WWTR1: variants seen among roughly 807,000 people sequenced by gnomAD.
WWTR1 encodes the protein WW domain-containing transcription regulator protein 1.
Under a neutral mutation model 40.1 loss-of-function variants are expected in WWTR1, and 13 were observed. The observed-to-expected ratio is 0.32, with a 90% CI of 0.21 to 0.52. WWTR1 has a LOEUF of 0.52. Among genes scored for constraint, WWTR1 ranks in the 20% least tolerant of loss-of-function variants. WWTR1 has a pLI of 0.97. For synonymous variants in WWTR1, 230 were observed against 210.1 expected, an observed-to-expected ratio of 1.09 and a Z score of -0.82; for missense variants, 436 against 523.1, an observed-to-expected ratio of 0.83 and a Z score of 1.63.
chr3:149,613,835 T>C (rs1357825968), intron 2 of WWTR1, among the ~76,000 whole-genome samples: 3 of 152,102 alleles, frequency 2.0e-5, no homozygotes, highest in East Asian at 1.9e-4. Flanking sequence ...TGTGAGCCAC[T>C]ACACCCAGCT....
chr3:149,699,626 C>A (rs1422939312), intron 1 of WWTR1, among the ~76,000 whole-genome samples: 2 of 152,092 alleles, frequency 1.3e-5, no homozygotes, highest in Non-Finnish European at 2.9e-5. Flanking sequence ...TCCCACAGAC[C>A]CCTAGGGCAT....
At chr3:149,709,032 G>A (rs990475797) in intron 5 of WWTR1, among the ~76,000 whole-genome samples, 2 of 151,494 alleles carry the variant, frequency 1.3e-5, no homozygotes, top group African/African-American at 2.4e-5. Flanking sequence ...CTTGAGACAC[G>A]GTCTCGCTCT....
chr3:149,677,871 C>T (rs1006427679), intron 1 of WWTR1, among the ~76,000 whole-genome samples: 10 of 152,240 alleles, frequency 6.6e-5, no homozygotes, highest in Non-Finnish European at 1.5e-4. Context: ...TGAAGCAATT[C>T]TCCTGCCTCA....
chr3:149,660,179 A>G (rs370085988), upstream of WWTR1: 93 of 152,328 alleles, frequency 6.1e-4, no homozygotes, highest in African/African-American at 2.2e-3. Flanking sequence ...TTGCAACAAC[A>G]GGGGAAATAA....
intron 5 of WWTR1, among the ~76,000 whole-genome samples, chr3:149,527,154 TTTC>T (rs1181127231): frequency 8.1e-5 from 2 of 24,782 alleles, no homozygotes; most frequent in Non-Finnish European, 3.0e-4. Context: ...TTTTCTTTTC[TTTC>T]TTTTTTTTTT....
At chr3:149,572,047 C>T (rs1737656500) in intron 3 of WWTR1, among the ~76,000 whole-genome samples, 1 of 152,048 alleles carries the variant, frequency 6.6e-6, no homozygotes, top group African/African-American at 2.4e-5. Context: ...AAAAAGTGAG[C>T]CATATTATCC....
chr3:149,654,141 G>T (rs908089941), intron 2 of WWTR1, among the ~76,000 whole-genome samples: 2 of 144,404 alleles, frequency 1.4e-5, no homozygotes, highest in African/African-American at 2.5e-5. Context: ...AAAAAAAAAT[G>T]TATCTGCTAG....
At chr3:149,561,151 C>A (rs1484615143) in intron 3 of WWTR1, among the ~76,000 whole-genome samples, 1 of 152,094 alleles carries the variant, frequency 6.6e-6, no homozygotes, top group East Asian at 1.9e-4. Context: ...TGTATTGAAA[C>A]ATCATTTATA....
chr3:149,532,007 T>A (rs1490062999), intron 4 of WWTR1, among the ~76,000 whole-genome samples: 1 of 152,224 alleles, frequency 6.6e-6, no homozygotes, highest in African/African-American at 2.4e-5. Context: ...CACTCTTTCC[T>A]GCTCCTCACA....
intron 3 of WWTR1, among the ~76,000 whole-genome samples, chr3:149,558,002 C>CAA (rs10554239): frequency 1.1e-4 from 9 of 82,958 alleles, no homozygotes; most frequent in South Asian, 3.8e-4. Flanking sequence ...GGCTCCATCT[C>CAA]AAAAAAAAAA....
At chr3:149,636,966 G>GAAAAAAAAAAAAAAAAA (rs397950107) in intron 2 of WWTR1, among the ~76,000 whole-genome samples, 2 of 43,306 alleles carry the variant, frequency 4.6e-5, no homozygotes, top group African/African-American at 9.7e-5. Context: ...TGTCTCAAGT[G>GAAAAAAAAAAAAAAAAA]AAAAAAAAAA....
At chr3:149,662,148 T>C (rs1226217858), upstream of WWTR1, among the ~76,000 whole-genome samples, 1 of 152,016 alleles carries the variant, frequency 6.6e-6, no homozygotes, top group South Asian at 2.1e-4. Flanking sequence ...AGAAAGTATT[T>C]TGTCCAAATA....
chr3:149,714,915 G>A (rs926086631), intron 5 of WWTR1, among the ~76,000 whole-genome samples: 13 of 152,118 alleles, frequency 8.5e-5, no homozygotes, highest in African/African-American at 3.1e-4. Flanking sequence ...AGGACAGGGA[G>A]ACAAGGTGAT....
At chr3:149,574,041 G>GT (rs1156356964) in intron 2 of WWTR1, among the ~76,000 whole-genome samples, 1 of 150,938 alleles carries the variant, frequency 6.6e-6, no homozygotes, top group Non-Finnish European at 1.5e-5. Context: ...CTTCTTTTTT[G>GT]TTTTTTCGAG....
chr3:149,651,009 G>C (rs1275368622), intron 2 of WWTR1, among the ~76,000 whole-genome samples: 1 of 152,152 alleles, frequency 6.6e-6, no homozygotes, highest in Non-Finnish European at 1.5e-5. Context: ...GAGAAAGCAA[G>C]AACTAACTTG....
chr3:149,561,166 T>C (rs535920414), intron 3 of WWTR1, among the ~76,000 whole-genome samples: 20 of 152,316 alleles, frequency 1.3e-4, no homozygotes, highest in African/African-American at 4.1e-4. Context: ...TTTATAATGA[T>C]AAAAAATAGA....
At chr3:149,571,925 G>A (rs1057294707) in intron 3 of WWTR1, among the ~76,000 whole-genome samples, 1 of 152,182 alleles carries the variant, frequency 6.6e-6, no homozygotes, top group South Asian at 2.1e-4. Flanking sequence ...GACTGGTTCC[G>A]TTGCTGCAGT....
intron 2 of WWTR1, among the ~76,000 whole-genome samples, chr3:149,593,623 G>C (rs1182254230): frequency 6.6e-6 from 1 of 152,092 alleles, no homozygotes; most frequent in Admixed American, 6.5e-5. Context: ...TAACACATGC[G>C]TGGACTTAAA....
At chr3:149,557,406 CT>C (rs899310027) in intron 3 of WWTR1, among the ~76,000 whole-genome samples, 3 of 152,140 alleles carry the variant, frequency 2.0e-5, no homozygotes, top group African/African-American at 4.8e-5. Context: ...ACATTGTCCC[CT>C]AGATCACAGA....
Sources: gnomAD v4.1 joint callset for allele counts (sites outside exome capture counted in the v4.1 genomes callset) on GRCh38, gnomAD v4.1.1 for gene constraint, MANE v1.5 for transcripts, NCBI Gene and HGNC (gene_info 2026-07-23, HGNC 2026-07-21) for gene names.